Variants in IL23R observed in about 807,000 individuals in gnomAD.
IL23R encodes the protein interleukin-23 receptor.
In IL23R, 34 loss-of-function variants were observed where a neutral mutation model predicts 56.9. The ratio of observed to expected loss-of-function variants is 0.60; its 90% confidence interval spans 0.45 to 0.80. The LOEUF is 0.80. Among genes scored for constraint, IL23R ranks in the 30% least tolerant of loss-of-function variants. The pLI is 0.00. For synonymous variants in IL23R, 230 were observed against 249.2 expected (o/e 0.92, Z 0.73); for missense variants, 635 against 730.0 (o/e 0.87, Z 1.50).
rs1653095552 is a variant in IL23R at position 67,258,880 on chromosome 1, G to A, written c.1642G>A (p.Glu548Lys). The change falls in exon 11 of 11, where the codon GAA becomes AAA. Residue 548 changes from glutamate to lysine, a missense_variant. Glu to Lys is a moderately conservative substitution (Grantham distance 56). Transcript: ENST00000347310. Reference sequence around the variant, plus strand: ...ACTAAGCAACACAATATTTCTTGGAGAATTAAGCCTCATATTAAATCAAGG... The same window carrying A: ...ACTAAGCAACACAATATTTCTTGGAAAATTAAGCCTCATATTAAATCAAGG... ...NSLSNTIFLG[E>K]LSLILNQGEC... 6.2e-7 allele frequency: 1 copy of A among 1,614,000 alleles called. No homozygotes were observed.
intron 1 of IL23R, among the ~76,000 whole-genome samples, chr1:67,143,883 G>C (rs1005376233): frequency 4.6e-5 from 7 of 152,262 alleles, no homozygotes; most frequent in South Asian, 4.2e-4. Context: ...TGTGCAGCTT[G>C]AATAGAATAA....
At chr1:67,248,533 G>A (rs1254400716) in intron 9 of IL23R, among the ~76,000 whole-genome samples, 1 of 152,026 alleles carries the variant, frequency 6.6e-6, no homozygotes. Context: ...AAGGTTCTTA[G>A]CTTCCTTGCA....
At chr1:67,191,248 C>G (rs12401432) in intron 4 of IL23R, among the ~76,000 whole-genome samples, 44,520 of 152,062 alleles carry the variant, frequency 0.29, 6,899 homozygotes, top group Admixed American at 0.43. Context: ...TCCTCACTCT[C>G]TATTGAAGAC....
chr1:67,253,288 T>A (rs1652750934), intron 9 of IL23R, among the ~76,000 whole-genome samples: 1 of 152,214 alleles, frequency 6.6e-6, no homozygotes, highest in South Asian at 2.1e-4. Flanking sequence ...TGGTTAGTTA[T>A]TTAAAATGAG....
chr1:67,164,250 C>A (rs1464578369), upstream of IL23R, among the ~76,000 whole-genome samples: 1 of 152,176 alleles, frequency 6.6e-6, no homozygotes. Flanking sequence ...AATCCCAGCA[C>A]TTTGGGAGGC....
intron 9 of IL23R, among the ~76,000 whole-genome samples, chr1:67,243,817 A>G (rs1299924775): frequency 6.6e-6 from 1 of 152,206 alleles, no homozygotes; most frequent in Admixed American, 6.5e-5. Context: ...TCCTTTGGGT[A>G]TATACCCAGC....
rs1570850049 is a variant in IL23R, at chr1:67,207,529, C to T, written c.798+474C>T. ...GGGGGAGGTAATTGAATCATGGAGG[C>T]CAGTCTTTCCCACACTAGTCTCGTG... On this transcript the variant is annotated intron_variant, in intron 6 of 10. Coordinates refer to ENST00000347310, the MANE Select transcript of IL23R (RefSeq NM_144701.3). The T allele has an allele frequency of 1.6e-5, 5 of 305,900 alleles. No homozygotes were observed. The East Asian group carries it at 2.8e-4, about 17-fold the overall frequency. The allele number at this position is 305,900 out of a possible 1,614,324, so 18.9% of individuals were successfully genotyped here. A position where few individuals can be genotyped will look rare whatever the true frequency, so the allele number is the denominator to read the frequency against.
intron 9 of IL23R, among the ~76,000 whole-genome samples, chr1:67,245,895 C>G (rs1652189262): frequency 6.6e-6 from 1 of 152,124 alleles, no homozygotes; most frequent in South Asian, 2.1e-4. Flanking sequence ...GTACCAGCTC[C>G]TCTTTGTACC....
intron 3 of IL23R, among the ~76,000 whole-genome samples, chr1:67,171,314 A>C (rs1646941506): frequency 6.6e-6 from 1 of 152,220 alleles, no homozygotes; most frequent in Admixed American, 6.5e-5. Flanking sequence ...TTTAGTTTTT[A>C]GATCTGATAG....
Position 67,219,568 on chromosome 1 carries a change from T to G in IL23R, c.799-6T>G. ...ACATTTTATTATTGTTACCCATCCA[T>G]TTTAGGTTAAAGAATTTGACACCAA... is the stretch of plus-strand genomic sequence containing the variant. On this transcript the variant is annotated splice_region_variant and splice_polypyrimidine_tract_variant and intron_variant, in intron 6 of 10. Transcript: ENST00000347310. 1.2e-6 allele frequency: 2 copies of G among 1,612,926 alleles called. No homozygotes were observed. Among genetic ancestry groups the G allele is most frequent in the Non-Finnish European group, 1.7e-6 (2 of 1,179,218 alleles).
chr1:67,232,275 A>T (rs1457146447), intron 7 of IL23R, among the ~76,000 whole-genome samples: 4 of 152,224 alleles, frequency 2.6e-5, no homozygotes, highest in Admixed American at 2.6e-4. Context: ...ACGCTAGAAG[A>T]TTTAAAGCAT....
chr1:67,230,864 G>A (rs12031203), intron 7 of IL23R, among the ~76,000 whole-genome samples: 43,412 of 151,944 alleles, frequency 0.29, 7,353 homozygotes, highest in East Asian at 0.72. Flanking sequence ...CCCTTGGCCC[G>A]ATAATGTTGA....
intron 7 of IL23R, among the ~76,000 whole-genome samples, chr1:67,232,913 C>T (rs981194202): frequency 4.6e-5 from 7 of 151,932 alleles, no homozygotes; most frequent in African/African-American, 1.7e-4. Flanking sequence ...TTATAAGGGG[C>T]TTTTCCCCCT....
chr1:67,218,610 A>G (rs1330483333), intron 6 of IL23R, among the ~76,000 whole-genome samples: 1 of 152,144 alleles, frequency 6.6e-6, no homozygotes, highest in Non-Finnish European at 1.5e-5. Flanking sequence ...TTAAGAATAT[A>G]TTCCAAAATT....
chr1:67,185,140 A>G (rs1647255865), intron 4 of IL23R, among the ~76,000 whole-genome samples: 1 of 152,254 alleles, frequency 6.6e-6, no homozygotes, highest in Admixed American at 6.5e-5. Context: ...TGGCAGCTCA[A>G]AGAGACTAAG....
chr1:67,201,026 C>A, intron 5 of IL23R, 129 bp downstream of exon 5: 4 of 914,186 alleles, frequency 4.4e-6, no homozygotes, highest in Non-Finnish European at 6.7e-6. Context: ...ACAGAAATTA[C>A]CCATAATTCT....
At chr1:67,241,728 A>C (rs898388283) in intron 9 of IL23R, among the ~76,000 whole-genome samples, 2 of 152,202 alleles carry the variant, frequency 1.3e-5, no homozygotes, top group South Asian at 4.1e-4. Context: ...CTTTGAGAGA[A>C]TACAGCATAC....
At chr1:67,254,656 TA>T (rs1652841364) in intron 9 of IL23R, among the ~76,000 whole-genome samples, 4 of 152,300 alleles carry the variant, frequency 2.6e-5, no homozygotes, top group African/African-American at 9.6e-5. Context: ...TTTTGGTTGT[TA>T]TTTAGTACAG....
intron 1 of IL23R, among the ~76,000 whole-genome samples, chr1:67,145,488 C>A (rs1646671998): frequency 6.6e-6 from 1 of 152,094 alleles, no homozygotes; most frequent in Non-Finnish European, 1.5e-5. Context: ...TTTCTGTGCT[C>A]CTGTGCCCTC....
Sources: allele counts gnomAD v4.1 joint callset (sites outside exome capture counted in the v4.1 genomes callset), GRCh38; gene constraint gnomAD v4.1.1; transcripts MANE v1.5; gene names NCBI Gene and HGNC (gene_info 2026-07-23, HGNC 2026-07-21).